PEMT: variants seen among roughly 807,000 people sequenced by gnomAD.
The protein encoded by PEMT is phospholipid methyltransferase.
PEMT carries 23 observed loss-of-function variants against 27.4 expected under a neutral mutation model. That is an observed-to-expected ratio of 0.84 (90% CI 0.60 to 1.19). The LOEUF (loss-of-function observed/expected upper bound fraction) is 1.19. PEMT is among the 50% of genes most tolerant of loss of function. The pLI is 0.00. For missense variants in PEMT, 307 were observed against 310.1 expected (o/e 0.99, Z 0.07); for synonymous variants, 137 against 139.1 (o/e 0.98, Z 0.11).
At chr17:17,591,187 G>A (rs70953702) in intron 1 of PEMT, among the ~76,000 whole-genome samples, 37 of 152,204 alleles carry the variant, frequency 2.4e-4, no homozygotes, top group African/African-American at 8.2e-4. Context: ...CACTCTCAGA[G>A]CATCACATAA....
At chr17:17,586,288 GAAA>G (rs113887195) in intron 1 of PEMT, among the ~76,000 whole-genome samples, 15 of 72,062 alleles carry the variant, frequency 2.1e-4, no homozygotes, top group East Asian at 3.9e-4. Flanking sequence ...AAGAAAGAAA[GAAA>G]AAAAAAAACG....
chr17:17,526,904 A>C (rs1907711259), intron 2 of PEMT, among the ~76,000 whole-genome samples: 1 of 152,216 alleles, frequency 6.6e-6, no homozygotes, highest in Admixed American at 6.5e-5. Context: ...GGCCTACACC[A>C]GCCCAGCTAT....
intron 1 of PEMT, 53 bp from the exon 2 acceptor site, chr17:17,577,080 G>A (rs947394980): frequency 2.9e-6 from 4 of 1,365,414 alleles, no homozygotes; most frequent in African/African-American, 1.4e-5. Flanking sequence ...GGGCCTGTGA[G>A]CCCCCAGGAG....
chr17:17,591,684 A>G lies in PEMT; in HGVS notation c.-58T>C, dbSNP rs1163488511. Reference sequence around the variant, plus strand: ...CCCGCTGCAGCCACGCGCCCCCGGAACCGGACCTATAGAGCCGGGTAAGTG... The same window carrying G: ...CCCGCTGCAGCCACGCGCCCCCGGAGCCGGACCTATAGAGCCGGGTAAGTG... On this transcript the variant is annotated 5_prime_UTR_variant, in exon 1 of 7. Coordinates refer to ENST00000255389, the MANE Select transcript of PEMT (RefSeq NM_148172.3). 7 of 1,567,890 alleles carry G rather than the reference A, an allele frequency of 4.5e-6. No homozygotes were observed. In the East Asian group the frequency reaches 1.4e-4, roughly 32 times the overall value.
intron 2 of PEMT, among the ~76,000 whole-genome samples, chr17:17,576,328 C>T (rs1250985843): frequency 6.6e-6 from 1 of 152,204 alleles, no homozygotes; most frequent in Non-Finnish European, 1.5e-5. Context: ...GGTGCCCGGG[C>T]ACCCAAACAT....
chr17:17,565,572 G>A (rs1910775156), intron 2 of PEMT, among the ~76,000 whole-genome samples: 2 of 152,222 alleles, frequency 1.3e-5, no homozygotes, highest in Non-Finnish European at 2.9e-5. Flanking sequence ...CAGGTGGCAG[G>A]AACAGGGCTG....
At chr17:17,588,688 A>G (rs4924999) in intron 1 of PEMT, among the ~76,000 whole-genome samples, 51,867 of 152,076 alleles carry the variant, frequency 0.34, 10,099 homozygotes, top group Middle Eastern at 0.48. Flanking sequence ...TGAGGACCTC[A>G]GTGTGCTCTG....
chr17:17,516,024 G>C (rs2168345), intron 3 of PEMT, among the ~76,000 whole-genome samples: 88,520 of 152,016 alleles, frequency 0.58, 26,032 homozygotes, highest in African/African-American at 0.63. Flanking sequence ...CACCAGGCCA[G>C]AGGCACACGG....
chr17:17,552,600 C>T (rs1462844545), intron 2 of PEMT, among the ~76,000 whole-genome samples: 4 of 152,218 alleles, frequency 2.6e-5, no homozygotes, highest in Admixed American at 1.3e-4. Flanking sequence ...GTGGGTGCCA[C>T]GGAGACCTGC....
chr17:17,591,410 C>T, intron 1 of PEMT, 121 bp downstream of exon 1: 1 of 836,362 alleles, frequency 1.2e-6, no homozygotes, highest in Non-Finnish European at 1.8e-6. Flanking sequence ...CACGCCACGC[C>T]CCCATTGCCT....
At chr17:17,586,268 G>GA (rs1912285686) in intron 1 of PEMT, among the ~76,000 whole-genome samples, 3 of 109,734 alleles carry the variant, frequency 2.7e-5, no homozygotes, top group Admixed American at 9.2e-5. Flanking sequence ...AAGAAAGAAA[G>GA]AAAGAAAGAA....
At chr17:17,575,884 C>T (rs951090700) in intron 2 of PEMT, among the ~76,000 whole-genome samples, 2 of 152,184 alleles carry the variant, frequency 1.3e-5, no homozygotes, top group African/African-American at 4.8e-5. Context: ...ACTTCTCTCA[C>T]CAGATGGAGA....
chr17:17,561,649 A>G lies in PEMT; in HGVS notation c.204+15271T>C, dbSNP rs1421359248. ...TGCCTGGGTCACAGATGAGAATACCAAGGCTCGGAGAAGCCAGGAACCTTG... is the reference window on the plus strand; with the variant it reads ...TGCCTGGGTCACAGATGAGAATACCGAGGCTCGGAGAAGCCAGGAACCTTG... On this transcript the variant is annotated intron_variant, in intron 2 of 6. Coordinates refer to ENST00000255389, the MANE Select transcript of PEMT (RefSeq NM_148172.3). The surrounding 1 kb of genome is among the most constrained non-coding windows in gnomAD (Gnocchi z 4.5). Among the ~76,000 whole-genome samples, 1 of 152,136 alleles carries G rather than the reference A, an allele frequency of 6.6e-6. No individual in the cohort carries two copies. The highest frequency in any genetic ancestry group is 6.5e-5 in the Admixed American group (1 of 15,282).
rs567646324 is a variant in PEMT, at chr17:17,590,081, G to A, written c.96+1450C>T. ...GGCTCCCCCACCCACCCTTCTACAC[G>A]GTGGCTTCTGAGGGCAGCCCCTGGA... is the stretch of plus-strand genomic sequence containing the variant. On this transcript the variant is annotated intron_variant, in intron 1 of 6. Transcript: ENST00000255389. Among the ~76,000 whole-genome samples, 27 of 130,732 alleles carry A rather than the reference G, an allele frequency of 2.1e-4. 1 individual carries two copies. Among genetic ancestry groups the A allele is most frequent in the Admixed American group, 7.2e-4 (8 of 11,154 alleles). The allele number at this position is 130,732 out of a possible 152,430, so 85.8% of individuals were successfully genotyped here.
At chr17:17,548,889 T>C (rs1909448141) in intron 2 of PEMT, among the ~76,000 whole-genome samples, 1 of 152,172 alleles carries the variant, frequency 6.6e-6, no homozygotes, top group South Asian at 2.1e-4. Context: ...GTCTGGGCAG[T>C]GTGTGGAGGG....
intron 2 of PEMT, among the ~76,000 whole-genome samples, chr17:17,527,235 C>T (rs1907736349): frequency 6.6e-6 from 1 of 152,194 alleles, no homozygotes; most frequent in Non-Finnish European, 1.5e-5. Context: ...CGGGATTTCT[C>T]CATGTTGGTT....
In PEMT at chr17:17,532,383, T is replaced by C. The variant is rs570845604; in HGVS notation, c.205-9988A>G. 2.6e-5 allele frequency among the ~76,000 whole-genome samples: 4 copies of C among 152,196 alleles called. No homozygotes were observed. In the South Asian group the frequency reaches 8.3e-4, roughly 32 times the overall value. Reference sequence around the variant, plus strand: ...CGATTGTATTTCTACACATTTGCAATAAAAAGTCTGAAAGCAGGAATCAAA... The same window carrying C: ...CGATTGTATTTCTACACATTTGCAACAAAAAGTCTGAAAGCAGGAATCAAA... On this transcript the variant is annotated intron_variant, in intron 2 of 6. Transcript: ENST00000255389.
At chr17:17,571,887 T>C (rs1911229434) in intron 2 of PEMT, among the ~76,000 whole-genome samples, 1 of 152,126 alleles carries the variant, frequency 6.6e-6, no homozygotes, top group South Asian at 2.1e-4. Flanking sequence ...TTTACAGAGA[T>C]GACATTTCAC....
At chr17:17,592,095 C>T (rs1252705784), upstream of PEMT, 1 of 985,152 alleles carries the variant, frequency 1.0e-6, no homozygotes, top group Non-Finnish European at 1.2e-6. Context: ...CGCCCAGGGC[C>T]CCACACGCCC....
Sources: allele counts gnomAD v4.1 joint callset (sites outside exome capture counted in the v4.1 genomes callset), GRCh38; gene constraint gnomAD v4.1.1; non-coding constraint Gnocchi (gnomAD v3.1); transcripts MANE v1.5; gene names NCBI Gene and HGNC (gene_info 2026-07-23, HGNC 2026-07-21).